PLS1: variants seen among roughly 807,000 people sequenced by gnomAD.
The protein encoded by PLS1 is plastin-1.
PLS1 carries 32 observed loss-of-function variants against 73.7 expected under a neutral mutation model. The ratio of observed to expected loss-of-function variants is 0.43; its 90% CI spans 0.33 to 0.58. The LOEUF is 0.58. PLS1 is among the 20% of genes least tolerant of loss of function. The probability of loss-of-function intolerance (pLI) is 0.04; values close to 1 mark genes in which losing one functional copy is unlikely to be tolerated. For missense variants in PLS1, 633 were observed against 740.5 expected, an observed-to-expected ratio of 0.85 and a Z score of 1.68; for synonymous variants, 217 against 261.3, an observed-to-expected ratio of 0.83 and a Z score of 1.63.
At chr3:142,684,516 T>A in intron 8 of PLS1, 121 bp downstream of exon 8, 1 of 769,986 alleles carries the variant, frequency 1.3e-6, no homozygotes, top group Non-Finnish European at 2.1e-6. Context: ...AAAATGAAAA[T>A]TTGCATTACT....
At chr3:142,624,407 A>G (rs1046936165) in intron 1 of PLS1, among the ~76,000 whole-genome samples, 1 of 152,172 alleles carries the variant, frequency 6.6e-6, no homozygotes, top group Non-Finnish European at 1.5e-5. Context: ...TCTTTACCCT[A>G]TGCAGCCCTA....
chr3:142,644,245 G>T (rs568808759), intron 1 of PLS1, among the ~76,000 whole-genome samples: 1 of 151,434 alleles, frequency 6.6e-6, no homozygotes, highest in South Asian at 2.1e-4. Flanking sequence ...TCTTTGGTAG[G>T]TTTTTTGTTT....
intron 1 of PLS1, among the ~76,000 whole-genome samples, chr3:142,610,068 C>T (rs1577769268): frequency 6.6e-6 from 1 of 152,290 alleles, no homozygotes; most frequent in South Asian, 2.1e-4. Flanking sequence ...GGGGTTTCAC[C>T]ATGTTGGCCA....
At chr3:142,679,410 T>G (rs1432799566) in intron 6 of PLS1, among the ~76,000 whole-genome samples, 1 of 151,296 alleles carries the variant, frequency 6.6e-6, no homozygotes, top group Non-Finnish European at 1.5e-5. Context: ...GTTTTAGGTC[T>G]AACGTTTAAG....
chr3:142,671,036 G>A lies in PLS1; in HGVS notation c.278G>A (p.Arg93Gln), dbSNP rs779525911. ...LKSKDISKTF[R>Q]KIINKREGIT... The stretch of plus-strand genomic sequence containing the variant: ...AGCAAAGATATCAGCAAAACATTCC[G>A]AAAAATAATTAACAAGAGGGAAGGG... Residue 93 changes from arginine to glutamine, a missense_variant, in exon 4 of 16, where the codon CGA (arginine) becomes CAA (glutamine). Physicochemically the swap from Arg to Gln is conservative, Grantham distance 43 (BLOSUM62 1). Transcript: ENST00000457734. 19 of 1,602,034 alleles carry A rather than the reference G, an allele frequency of 1.2e-5. No individual in the cohort carries two copies. Among genetic ancestry groups the A allele is most frequent in the Admixed American group, 1.7e-5 (1 of 59,368 alleles).
At chr3:142,654,544 A>G (rs954885409) in intron 1 of PLS1, among the ~76,000 whole-genome samples, 1 of 151,960 alleles carries the variant, frequency 6.6e-6, no homozygotes, top group Non-Finnish European at 1.5e-5. Flanking sequence ...TGTAGAGACA[A>G]AGTCTCACTA....
intron 4 of PLS1, among the ~76,000 whole-genome samples, chr3:142,675,604 C>T (rs1009499560): frequency 1.3e-5 from 2 of 151,846 alleles, no homozygotes; most frequent in African/African-American, 2.4e-5. Context: ...CCAGGATGGT[C>T]TTGCTCTCTT....
chr3:142,695,613 A>T (rs1424215463), intron 11 of PLS1, among the ~76,000 whole-genome samples: 11 of 152,284 alleles, frequency 7.2e-5, no homozygotes, highest in Admixed American at 7.2e-4. Context: ...GTCAAGAAAA[A>T]AGAATAACAG....
At chr3:142,691,148 A>T (rs1027299412) in intron 10 of PLS1, among the ~76,000 whole-genome samples, 1 of 151,948 alleles carries the variant, frequency 6.6e-6, no homozygotes, top group Non-Finnish European at 1.5e-5. Context: ...TGTCCTTGTC[A>T]CCTCATAATT....
At position 142,689,686 on chromosome 3, in the gene PLS1, T is replaced by C; in HGVS notation, c.1050T>C (p.Phe350=). 1 of 1,612,232 alleles carries C rather than the reference T, an allele frequency of 6.2e-7. No individual in the cohort carries two copies. Among genetic ancestry groups the C allele is most frequent in the African/African-American group, 1.3e-5 (1 of 74,904 alleles). The stretch of plus-strand genomic sequence containing the variant: ...CAGATAAACTGGGCTGCAAACAGTT[T>C]GTTACTCCTGCAGATGTGGTTTCAG... ...QEADKLGCKQ[F]VTPADVVSGN... Residue 350 remains phenylalanine (F), a synonymous_variant, in exon 10 of 16, where the codon TTT becomes TTC. Coordinates refer to ENST00000457734, the MANE Select transcript of PLS1 (RefSeq NM_001145319.2).
At chr3:142,604,808 G>A (rs891411211) in intron 1 of PLS1, among the ~76,000 whole-genome samples, 1 of 152,014 alleles carries the variant, frequency 6.6e-6, no homozygotes, top group Non-Finnish European at 1.5e-5. Flanking sequence ...GGTGGTGGGT[G>A]CCTGTAGTCC....
chr3:142,688,307 G>T (rs2038015887), intron 9 of PLS1, among the ~76,000 whole-genome samples: 1 of 152,086 alleles, frequency 6.6e-6, no homozygotes, highest in Non-Finnish European at 1.5e-5. Context: ...TTAATAATCT[G>T]TTGCTTTCTC....
chr3:142,616,560 A>C (rs955731172), intron 1 of PLS1, among the ~76,000 whole-genome samples: 1 of 152,064 alleles, frequency 6.6e-6, no homozygotes, highest in Non-Finnish European at 1.5e-5. Context: ...TTTTGTATCT[A>C]TTCATTTTCA....
At chr3:142,605,048 C>G (rs937375359) in intron 1 of PLS1, among the ~76,000 whole-genome samples, 1 of 151,892 alleles carries the variant, frequency 6.6e-6, no homozygotes, top group Non-Finnish European at 1.5e-5. Context: ...GTTTAGATAC[C>G]TGAAACCAGT....
chr3:142,687,064 TC>T (rs1172751397), intron 9 of PLS1, among the ~76,000 whole-genome samples: 1 of 152,150 alleles, frequency 6.6e-6, no homozygotes, highest in African/African-American at 2.4e-5. Flanking sequence ...CAAGCATACT[TC>T]CTAGGAATCT....
chr3:142,666,242 C>CACT (rs2107832485), intron 2 of PLS1, among the ~76,000 whole-genome samples: 2 of 152,286 alleles, frequency 1.3e-5, no homozygotes, highest in East Asian at 3.9e-4. Context: ...TTAGTACATT[C>CACT]ACATTGTTCT....
At chr3:142,670,047 G>GT (rs11393599) in intron 3 of PLS1, among the ~76,000 whole-genome samples, 9,492 of 152,200 alleles carry the variant, frequency 0.062, 968 homozygotes, top group African/African-American at 0.22. Context: ...AAAGATAATT[G>GT]GAGAATTGCT....
chr3:142,704,102 A>C, intron 13 of PLS1, 101 bp downstream of exon 13: 1 of 876,852 alleles, frequency 1.1e-6, no homozygotes, highest in Non-Finnish European at 1.8e-6. Context: ...CACAGAAGAA[A>C]TATACAATGC....
intron 1 of PLS1, among the ~76,000 whole-genome samples, chr3:142,621,091 C>T (rs2036306814): frequency 1.3e-5 from 2 of 152,052 alleles, no homozygotes; most frequent in South Asian, 2.1e-4. Flanking sequence ...TGGCTTGGCA[C>T]CATATCTTTT....
Sources: allele counts gnomAD v4.1 joint callset (sites outside exome capture counted in the v4.1 genomes callset), GRCh38; gene constraint gnomAD v4.1.1; transcripts MANE v1.5; gene names NCBI Gene and HGNC (gene_info 2026-07-23, HGNC 2026-07-21).